TENM2: variants seen among roughly 807,000 people sequenced by gnomAD.
The protein encoded by TENM2 is teneurin transmembrane protein 2.
Under a neutral mutation model 245.2 loss-of-function variants are expected in TENM2, and 52 were observed. The observed-to-expected ratio is 0.21, with a 90% CI of 0.17 to 0.27. The LOEUF is 0.27. TENM2 is among the 10% of genes least tolerant of loss of function. The pLI is 1.00. For missense variants in TENM2, 3,046 were observed against 3,666.8 expected (o/e 0.83, Z 4.37); for synonymous variants, 1,363 against 1,438.9 (o/e 0.95, Z 1.19).
At chr5:167,728,063 C>T (rs887080522) in intron 2 of TENM2, among the ~76,000 whole-genome samples, 9 of 152,134 alleles carry the variant, frequency 5.9e-5, no homozygotes, top group African/African-American at 2.2e-4. Context: ...GCCTGGGTTA[C>T]TTGAAAAGAA....
At chr5:168,113,286 C>T (rs1794825753) in intron 9 of TENM2, among the ~76,000 whole-genome samples, 1 of 152,060 alleles carries the variant, frequency 6.6e-6, no homozygotes, top group South Asian at 2.1e-4. Context: ...TGCCACTGCA[C>T]TCCAGCCTGG....
intron 5 of TENM2, among the ~76,000 whole-genome samples, chr5:168,039,904 G>T (rs964632396): frequency 6.6e-6 from 1 of 151,952 alleles, no homozygotes; most frequent in African/African-American, 2.4e-5. Flanking sequence ...ACAAGGGGAG[G>T]GACGCTGCCA....
intron 1 of TENM2, among the ~76,000 whole-genome samples, chr5:167,369,811 T>C (rs1464056445): frequency 6.6e-6 from 1 of 152,214 alleles, no homozygotes; most frequent in Non-Finnish European, 1.5e-5. Context: ...ATAAAATCTG[T>C]TCCAATGCTG....
intron 2 of TENM2, among the ~76,000 whole-genome samples, chr5:167,735,797 C>G (rs1043053745): frequency 3.9e-5 from 6 of 151,944 alleles, no homozygotes; most frequent in Non-Finnish European, 8.8e-5. Flanking sequence ...TAGAGTGAGA[C>G]CCTGTCTCAC....
chr5:167,937,800 A>C (rs1170815502), intron 3 of TENM2: 1 of 152,202 alleles, frequency 6.6e-6, no homozygotes, highest in Non-Finnish European at 1.5e-5. Context: ...GATGGCGCTC[A>C]GAGTGTTCAA....
intron 3 of TENM2, among the ~76,000 whole-genome samples, chr5:167,945,832 G>A (rs1018434501): frequency 3.9e-5 from 6 of 152,220 alleles, no homozygotes; most frequent in Non-Finnish European, 7.3e-5. Flanking sequence ...ACAGCCCCCT[G>A]ATACAGGCCT....
At chr5:167,281,742 T>G (rs1771077209), upstream of TENM2, among the ~76,000 whole-genome samples, 1 of 152,180 alleles carries the variant, frequency 6.6e-6, no homozygotes, top group Admixed American at 6.5e-5. Context: ...CTCACGCCTG[T>G]AATCCCAGCA....
chr5:167,973,349 G>C (rs767805620), intron 4 of TENM2, among the ~76,000 whole-genome samples: 1 of 152,058 alleles, frequency 6.6e-6, no homozygotes, highest in Non-Finnish European at 1.5e-5. Context: ...CCTCCTGTTG[G>C]TAATCCCATT....
intron 3 of TENM2, among the ~76,000 whole-genome samples, chr5:167,929,051 AAGAAAGAG>A (rs1307965941): frequency 1.1e-4 from 13 of 123,638 alleles, no homozygotes; most frequent in African/African-American, 3.1e-4. Flanking sequence ...AGAAAAAAGA[AAGAAAGAG>A]AGAAAGAAAG....
At chr5:167,938,030 G>A (rs916488826) in intron 3 of TENM2, 1 of 152,284 alleles carries the variant, frequency 6.6e-6, no homozygotes, top group Non-Finnish European at 1.5e-5. Flanking sequence ...TGCAAAGAAA[G>A]CAATTCAGCA....
In TENM2 at chr5:168,029,349, C is replaced by CA. The variant is rs1203551816; in HGVS notation, c.1187-18074dup. On this transcript the variant is annotated intron_variant, in intron 5 of 28. Transcript: ENST00000518659. ...TTTCACAACCTGCCTTCATAGCCTT[C>CA]AAAACAAAATTCCTCTCTCCTGCTT... 3.3e-5 allele frequency among the ~76,000 whole-genome samples: 5 copies of CA among 151,956 alleles called. No homozygotes were observed. In the East Asian group the frequency reaches 7.7e-4, roughly 23 times the overall value.
the TENM2 span, among the ~76,000 whole-genome samples, chr5:166,989,598 T>A: frequency 6.6e-6 from 1 of 151,478 alleles, no homozygotes; most frequent in Non-Finnish European, 1.5e-5. Flanking sequence ...TGCTATGTTG[T>A]CCAGGCTGGT....
intron 1 of TENM2, among the ~76,000 whole-genome samples, chr5:167,335,458 A>T (rs909279275): frequency 3.9e-5 from 6 of 152,174 alleles, no homozygotes; most frequent in African/African-American, 1.4e-4. Flanking sequence ...CTAGCAACCT[A>T]TGGCTTCGTG....
At chr5:168,165,621 C>A in intron 13 of TENM2, among the ~76,000 whole-genome samples, 1 of 126,412 alleles carries the variant, frequency 7.9e-6, no homozygotes. Context: ...GGTTGCCCAC[C>A]AGGCACAATT....
chr5:167,405,558 C>T (rs1168282865), intron 2 of TENM2, among the ~76,000 whole-genome samples: 2 of 151,664 alleles, frequency 1.3e-5, no homozygotes, highest in African/African-American at 2.4e-5. Context: ...CTGGGTAATG[C>T]CGGGCTCTTA....
chr5:167,427,530 A>G (rs1202876456), intron 2 of TENM2, among the ~76,000 whole-genome samples: 6 of 141,528 alleles, frequency 4.2e-5, no homozygotes, highest in African/African-American at 1.3e-4. Flanking sequence ...GAGGGAGGGA[A>G]GGATGGGAAG....
chr5:167,983,780 C>T (rs1783025527), intron 4 of TENM2, among the ~76,000 whole-genome samples: 1 of 152,164 alleles, frequency 6.6e-6, no homozygotes, highest in Admixed American at 6.5e-5. Context: ...AGAAGAAGCA[C>T]ATTAGTAACA....
At chr5:167,457,197 A>C (rs1434917884) in intron 2 of TENM2, among the ~76,000 whole-genome samples, 1 of 152,330 alleles carries the variant, frequency 6.6e-6, no homozygotes, top group East Asian at 1.9e-4. Flanking sequence ...GAGGTGATTT[A>C]GTTAGTAGAC....
chr5:167,331,395 T>G (rs1009472850), intron 1 of TENM2, among the ~76,000 whole-genome samples: 3 of 152,162 alleles, frequency 2.0e-5, no homozygotes, highest in Non-Finnish European at 2.9e-5. Context: ...CTGGCAACTC[T>G]TTCAGGATAG....
Sources: allele counts gnomAD v4.1 joint callset (sites outside exome capture counted in the v4.1 genomes callset), GRCh38; gene constraint gnomAD v4.1.1; transcripts MANE v1.5; gene names NCBI Gene and HGNC (gene_info 2026-07-23, HGNC 2026-07-21).